Variants in CDH13 observed in about 807,000 individuals in gnomAD.
CDH13 encodes cadherin 13, also known as cadherin-13.
CDH13 carries 24 observed loss-of-function variants against 63.8 expected under a neutral mutation model. That is an observed-to-expected ratio of 0.38 (90% CI 0.27 to 0.53). CDH13 has a LOEUF of 0.53. CDH13 is among the 20% of genes least tolerant of loss of function. The probability of loss-of-function intolerance (pLI) is 0.85; values close to 1 mark genes in which losing one functional copy is unlikely to be tolerated. For synonymous variants in CDH13, 503 were observed against 355.3 expected (o/e 1.42, Z -4.67); for missense variants, 1,049 against 903.1 (o/e 1.16, Z -2.07).
intron 1 of CDH13, among the ~76,000 whole-genome samples, chr16:82,748,194 T>C (rs1009748493): frequency 2.0e-5 from 3 of 152,168 alleles, no homozygotes; most frequent in Admixed American, 6.5e-5. Flanking sequence ...CACGTCTCTG[T>C]AGTGGGACGT....
intron 1 of CDH13, among the ~76,000 whole-genome samples, chr16:82,685,975 G>T (rs879516878): frequency 7.2e-5 from 11 of 152,162 alleles, no homozygotes; most frequent in South Asian, 2.1e-4. Context: ...GGCACAGAGA[G>T]CTGATAATTA....
At chr16:82,682,026 C>G (rs755715579) in intron 1 of CDH13, among the ~76,000 whole-genome samples, 2 of 152,214 alleles carry the variant, frequency 1.3e-5, no homozygotes, top group Admixed American at 6.5e-5. Flanking sequence ...GTGGGGCTCT[C>G]AAGCCCTTGG....
chr16:83,136,566 G>A (rs1436934518), intron 4 of CDH13, among the ~76,000 whole-genome samples: 1 of 151,560 alleles, frequency 6.6e-6, no homozygotes, highest in Admixed American at 6.6e-5. Context: ...CCAAGGATGA[G>A]AAGCATAGCT....
intron 10 of CDH13, among the ~76,000 whole-genome samples, chr16:83,700,861 A>T (rs909813681): frequency 2.0e-5 from 3 of 152,158 alleles, no homozygotes; most frequent in African/African-American, 7.2e-5. Context: ...GGGAACTACT[A>T]TCAGCTTCCT....
rs529851005 is a variant in CDH13 at position 83,636,029 on chromosome 16, C to G, written c.1101+33435C>G. On this transcript the variant is annotated intron_variant, in intron 8 of 13. Coordinates refer to ENST00000567109, the MANE Select transcript of CDH13 (RefSeq NM_001257.5). The stretch of plus-strand genomic sequence containing the variant: ...GAGTTCATTTATCTGCCAGTGGACA[C>G]ACAGTTGCTCCAGTAGCCTTTTAGA... 3.3e-5 allele frequency among the ~76,000 whole-genome samples: 5 copies of G among 152,122 alleles called. No homozygotes were observed. In the East Asian group the frequency reaches 5.8e-4, roughly 18 times the overall value.
At chr16:83,516,152 G>A (rs1371593825) in intron 7 of CDH13, among the ~76,000 whole-genome samples, 1 of 152,190 alleles carries the variant, frequency 6.6e-6, no homozygotes, top group Non-Finnish European at 1.5e-5. Context: ...ATAGCTCATG[G>A]CATTTGTTAG....
At chr16:83,287,146 T>C (rs2089338445) in intron 5 of CDH13, among the ~76,000 whole-genome samples, 1 of 152,208 alleles carries the variant, frequency 6.6e-6, no homozygotes, top group African/African-American at 2.4e-5. Flanking sequence ...GTCAGTGGAA[T>C]GTTCAGGAAG....
At chr16:83,391,705 A>G (rs1352446812) in intron 6 of CDH13, among the ~76,000 whole-genome samples, 2 of 152,296 alleles carry the variant, frequency 1.3e-5, no homozygotes, top group Non-Finnish European at 2.9e-5. Context: ...AGACGAACAC[A>G]GGTCTGTTTT....
intron 1 of CDH13, among the ~76,000 whole-genome samples, chr16:82,853,310 TAGTAACAACAAA>T (rs1428220349): frequency 6.6e-6 from 1 of 152,232 alleles, no homozygotes; most frequent in African/African-American, 2.4e-5. Context: ...AACAGTTTTT[TAGTAACAACAAA>T]AGTAATAATA....
At chr16:83,071,459 C>G (rs1194029981) in intron 3 of CDH13, among the ~76,000 whole-genome samples, 1 of 152,174 alleles carries the variant, frequency 6.6e-6, no homozygotes, top group East Asian at 1.9e-4. Flanking sequence ...GAGAGCTCCT[C>G]CAAGCCTTGG....
chr16:83,674,580 G>A (rs989795899), intron 9 of CDH13, among the ~76,000 whole-genome samples: 3 of 152,212 alleles, frequency 2.0e-5, no homozygotes, highest in African/African-American at 7.2e-5. Flanking sequence ...TAAGGCAGAG[G>A]GGGGCTGGTG....
At chr16:82,916,489 G>A (rs535467597) in intron 2 of CDH13, among the ~76,000 whole-genome samples, 49 of 152,168 alleles carry the variant, frequency 3.2e-4, no homozygotes, top group African/African-American at 1.0e-3. Context: ...CAGGAGAATC[G>A]TTTGAATCTG....
At chr16:83,365,923 C>T (rs980767688) in intron 6 of CDH13, among the ~76,000 whole-genome samples, 3 of 152,176 alleles carry the variant, frequency 2.0e-5, no homozygotes, top group Admixed American at 6.5e-5. Flanking sequence ...CAATAAGGAA[C>T]ACTGCCCTGC....
chr16:83,501,895 G>C (rs1461514093), intron 7 of CDH13, among the ~76,000 whole-genome samples: 1 of 152,202 alleles, frequency 6.6e-6, no homozygotes, highest in African/African-American at 2.4e-5. Flanking sequence ...GCTTGATTGA[G>C]TTTCCCTCAG....
rs529918026 is a variant in CDH13, at chr16:83,563,962, C to G, written c.961-38492C>G. Among the ~76,000 whole-genome samples, 36 of 152,310 alleles carry G rather than the reference C, an allele frequency of 2.4e-4. No homozygotes were observed. In the South Asian group the frequency reaches 7.3e-3, roughly 31 times the overall value. ...TGAATCTCAGTCTCTTGTGTCTTCA[C>G]AGCCTGCCTGTATGACTGGGATAAA... On this transcript the variant is annotated intron_variant, in intron 7 of 13. Coordinates refer to ENST00000567109, the MANE Select transcript of CDH13 (RefSeq NM_001257.5).
At chr16:83,659,896 C>G (rs1031174396) in intron 8 of CDH13, among the ~76,000 whole-genome samples, 1 of 150,978 alleles carries the variant, frequency 6.6e-6, no homozygotes, top group Non-Finnish European at 1.5e-5. Flanking sequence ...AAGCAATTCT[C>G]CTGTCTCAGC....
intron 6 of CDH13, 53 bp from the exon 7 acceptor site, chr16:83,486,424 C>A: frequency 6.6e-7 from 1 of 1,524,604 alleles, no homozygotes. Context: ...GGGGCTCTGG[C>A]CGTTGTTGAC....
At chr16:83,447,757 T>A (rs2072754730) in intron 6 of CDH13, among the ~76,000 whole-genome samples, 1 of 149,052 alleles carries the variant, frequency 6.7e-6, no homozygotes, top group African/African-American at 2.4e-5. Flanking sequence ...TTATATTATA[T>A]ATATTAAATA....
intron 7 of CDH13, among the ~76,000 whole-genome samples, chr16:83,562,142 T>C (rs138637192): frequency 0.017 from 2,582 of 152,152 alleles, 44 homozygotes; most frequent in South Asian, 0.028. Context: ...CTTGTAAGGG[T>C]CTCATCTTGT....
Sources: gnomAD v4.1 joint callset for allele counts (sites outside exome capture counted in the v4.1 genomes callset) on GRCh38, gnomAD v4.1.1 for gene constraint, MANE v1.5 for transcripts, NCBI Gene and HGNC (gene_info 2026-07-23, HGNC 2026-07-21) for gene names.